MET: variants seen among roughly 807,000 people sequenced by gnomAD.
The protein encoded by MET is hepatocyte growth factor receptor.
A neutral mutation model predicts 133.1 loss-of-function variants in MET; 48 were observed. That is an observed-to-expected ratio of 0.36 (90% CI 0.29 to 0.46). MET has a LOEUF of 0.46. Among genes scored for constraint, MET ranks in the 20% least tolerant of loss-of-function variants. The pLI is 1.00. For missense variants in MET, 1,442 were observed against 1,695.9 expected (o/e 0.85, Z 2.63); for synonymous variants, 628 against 616.5 (o/e 1.02, Z -0.28).
intron 19 of MET, among the ~76,000 whole-genome samples, chr7:116,791,409 C>A (rs1340133585): frequency 6.6e-6 from 1 of 152,056 alleles, no homozygotes; most frequent in Admixed American, 6.6e-5. Flanking sequence ...GGTTGTAGTG[C>A]TGTCTCATTT....
At chr7:116,758,702 G>C in intron 9 of MET, 82 bp downstream of exon 9, 1 of 1,384,986 alleles carries the variant, frequency 7.2e-7, no homozygotes, top group East Asian at 2.3e-5. Flanking sequence ...AGGAATTGCA[G>C]TTTTATCTCT....
intron 11 of MET, among the ~76,000 whole-genome samples, chr7:116,766,394 G>C (rs1005422014): frequency 6.6e-6 from 1 of 152,170 alleles, no homozygotes; most frequent in Non-Finnish European, 1.5e-5. Flanking sequence ...TGTCATCACA[G>C]GAACAAATGC....
intron 11 of MET, among the ~76,000 whole-genome samples, chr7:116,764,643 C>A (rs1794550415): frequency 6.6e-6 from 1 of 152,054 alleles, no homozygotes; most frequent in South Asian, 2.1e-4. Flanking sequence ...ATTAAATACC[C>A]ATTATTCAAC....
At chr7:116,779,924 A>G (rs1460222627) in intron 17 of MET, among the ~76,000 whole-genome samples, 1 of 152,218 alleles carries the variant, frequency 6.6e-6, no homozygotes, top group Non-Finnish European at 1.5e-5. Context: ...ACTGTAGTAG[A>G]TAATAAACAA....
chr7:116,710,151 C>T (rs1791939676), intron 2 of MET, among the ~76,000 whole-genome samples: 1 of 152,150 alleles, frequency 6.6e-6, no homozygotes, highest in Admixed American at 6.5e-5. Context: ...ACTAAACTTA[C>T]TCTCACTTTC....
intron 2 of MET, among the ~76,000 whole-genome samples, chr7:116,728,746 A>G (rs546199787): frequency 6.6e-6 from 1 of 152,310 alleles, no homozygotes; most frequent in African/African-American, 2.4e-5. Context: ...ATAAAAGATG[A>G]TAAGACAATT....
intron 3 of MET, among the ~76,000 whole-genome samples, chr7:116,732,917 T>C (rs1336792208): frequency 6.6e-6 from 1 of 152,176 alleles, no homozygotes; most frequent in Non-Finnish European, 1.5e-5. Flanking sequence ...TCAAAAACCA[T>C]GTAAATAAAA....
chr7:116,726,218 C>A (rs752244121), intron 2 of MET, among the ~76,000 whole-genome samples: 31 of 15,996 alleles, frequency 1.9e-3, no homozygotes, highest in Admixed American at 3.5e-3. Flanking sequence ...CCACCAGGCT[C>A]AAAAAGGGAA....
chr7:116,795,506 T>G (rs1795640613), intron 19 of MET, 149 bp from the exon 20 acceptor site: 2 of 959,570 alleles, frequency 2.1e-6, no homozygotes, highest in African/African-American at 3.2e-5. Flanking sequence ...ATGTATAGCT[T>G]AATAATTGCC....
chr7:116,767,082 CA>C (rs1584950640), intron 11 of MET, among the ~76,000 whole-genome samples: 1 of 152,190 alleles, frequency 6.6e-6, no homozygotes, highest in East Asian at 1.9e-4. Context: ...TTTGGACCCT[CA>C]GCCTGGCTGA....
intron 2 of MET, among the ~76,000 whole-genome samples, chr7:116,716,963 C>A (rs1047990709): frequency 6.2e-4 from 94 of 152,184 alleles, no homozygotes; most frequent in African/African-American, 2.0e-3. Flanking sequence ...TTTGCCCCCC[C>A]CAGCTTTGCT....
At chr7:116,755,229 TA>T in intron 5 of MET, 125 bp from the exon 6 acceptor site, 1 of 1,171,760 alleles carries the variant, frequency 8.5e-7, no homozygotes, top group Non-Finnish European at 1.2e-6. Context: ...AAATTTTTAC[TA>T]AATTGTGGGA....
Position 116,699,723 on chromosome 7 carries a change from G to A in MET, c.639G>A (p.Ser213=), listed in dbSNP as rs587780738. ...SSYFPDHPLH[S]ISVRRLKETK... ...ATTTCCCAGATCATCCATTGCATTC[G>A]ATATCAGTGAGAAGGCTAAAGGAAA... The change falls in exon 2 of 21, where the codon TCG becomes TCA. Residue 213 remains serine (S), a synonymous_variant. Coordinates refer to ENST00000397752, the MANE Select transcript of MET (RefSeq NM_000245.4). 85 of 1,613,914 alleles carry A rather than the reference G, an allele frequency of 5.3e-5. No homozygotes were observed. The highest frequency in any genetic ancestry group is 6.8e-5 in the Non-Finnish European group (80 of 1,179,974).
chr7:116,700,507 A>G (rs1169484546), intron 2 of MET, among the ~76,000 whole-genome samples: 1 of 152,206 alleles, frequency 6.6e-6, no homozygotes, highest in Non-Finnish European at 1.5e-5. Flanking sequence ...TGTTTTTACA[A>G]TTCAGATTTG....
At chr7:116,672,990 T>C (rs1215391711) in intron 1 of MET, among the ~76,000 whole-genome samples, 2 of 152,126 alleles carry the variant, frequency 1.3e-5, no homozygotes, top group Non-Finnish European at 2.9e-5. Context: ...CTGTGTTATG[T>C]TGGGGTCCTT....
At chr7:116,750,190 G>A (rs1793861471) in intron 5 of MET, among the ~76,000 whole-genome samples, 1 of 151,860 alleles carries the variant, frequency 6.6e-6, no homozygotes, top group African/African-American at 2.4e-5. Context: ...TATACTACAA[G>A]GTTGCAGTAA....
chr7:116,703,872 A>C (rs1791672966), intron 2 of MET, among the ~76,000 whole-genome samples: 1 of 152,198 alleles, frequency 6.6e-6, no homozygotes, highest in Non-Finnish European at 1.5e-5. Context: ...TTGAAATTAG[A>C]AAAGCATTCT....
At chr7:116,787,398 G>A (rs1795348328) in intron 19 of MET, among the ~76,000 whole-genome samples, 1 of 152,146 alleles carries the variant, frequency 6.6e-6, no homozygotes, top group South Asian at 2.1e-4. Context: ...ACAAATTGGG[G>A]GATTTATAAT....
intron 11 of MET, among the ~76,000 whole-genome samples, chr7:116,765,058 G>A (rs1794569267): frequency 6.6e-6 from 1 of 151,306 alleles, no homozygotes; most frequent in African/African-American, 2.5e-5. Context: ...CCAGCACTTT[G>A]GGAGGCCAAG....
Sources: allele counts gnomAD v4.1 joint callset (sites outside exome capture counted in the v4.1 genomes callset), GRCh38; gene constraint gnomAD v4.1.1; transcripts MANE v1.5; gene names NCBI Gene and HGNC (gene_info 2026-07-23, HGNC 2026-07-21).